The following MNAT1 variants were observed in gnomAD, a reference collection of about 807,000 sequenced individuals.
MNAT1 encodes CDK-activating kinase assembly factor MAT1.
Under a neutral mutation model 42.0 loss-of-function variants are expected in MNAT1, and 43 were observed. The ratio of observed to expected loss-of-function variants is 1.02; its 90% CI spans 0.80 to 1.32. MNAT1 has a LOEUF of 1.32. MNAT1 is among the 40% of genes most tolerant of loss of function. The probability of loss-of-function intolerance (pLI) is 0.00; values close to 1 mark genes in which losing one functional copy is unlikely to be tolerated. For missense variants in MNAT1, 306 were observed against 350.4 expected, an observed-to-expected ratio of 0.87 and a Z score of 1.01; for synonymous variants, 118 against 120.0, an observed-to-expected ratio of 0.98 and a Z score of 0.11.
intron 7 of MNAT1, among the ~76,000 whole-genome samples, chr14:60,913,330 C>G (rs1441749599): frequency 1.3e-5 from 2 of 152,162 alleles, no homozygotes; most frequent in Non-Finnish European, 2.9e-5. Flanking sequence ...CTCAACTCGT[C>G]AAAGTCATGC....
At chr14:60,843,421 C>T (rs1293504699) in intron 6 of MNAT1, among the ~76,000 whole-genome samples, 1 of 152,134 alleles carries the variant, frequency 6.6e-6, no homozygotes, top group Non-Finnish European at 1.5e-5. Flanking sequence ...CAGGCACCCA[C>T]CACCATGCCC....
At chr14:60,914,858 A>G (rs956612241) in intron 7 of MNAT1, among the ~76,000 whole-genome samples, 1 of 152,236 alleles carries the variant, frequency 6.6e-6, no homozygotes, top group African/African-American at 2.4e-5. Context: ...TTGGGAGAGC[A>G]GAGTGAACAT....
At chr14:60,772,609 A>AG (rs61327947) in intron 1 of MNAT1, among the ~76,000 whole-genome samples, 6 of 151,840 alleles carry the variant, frequency 4.0e-5, no homozygotes, top group Admixed American at 6.6e-5. Context: ...AAAAAAAAAA[A>AG]GCCAATTCTT....
intron 1 of MNAT1, among the ~76,000 whole-genome samples, chr14:60,736,570 A>C (rs185727600): frequency 2.6e-5 from 4 of 152,376 alleles, no homozygotes; most frequent in African/African-American, 7.2e-5. Context: ...CCTGTTAGAT[A>C]ACAGGCTACA....
In MNAT1 at chr14:60,834,353, G is replaced by A. The variant is rs543001131; in HGVS notation, c.687+15506G>A. 7.9e-5 allele frequency among the ~76,000 whole-genome samples: 12 copies of A among 152,164 alleles called. No individual in the cohort carries two copies. The South Asian group carries it at 2.1e-3, about 26-fold the overall frequency. On this transcript the variant is annotated intron_variant, in intron 6 of 7. Coordinates refer to ENST00000261245, the MANE Select transcript of MNAT1 (RefSeq NM_002431.4). The stretch of plus-strand genomic sequence containing the variant: ...AGCTGTGTCCCAGAGATTCTAGTAC[G>A]TTGTGTCTTTGTTCTCATTGGTTCA...
At chr14:60,842,977 A>G (rs927416905) in intron 6 of MNAT1, among the ~76,000 whole-genome samples, 3 of 152,306 alleles carry the variant, frequency 2.0e-5, no homozygotes, top group Admixed American at 2.0e-4. Flanking sequence ...GTCATCATGA[A>G]GTCAAAAACT....
rs372446666 is a variant in MNAT1, at chr14:60,808,309, T to G, written c.317-16T>G. 2 of 1,485,338 alleles carry G rather than the reference T, an allele frequency of 1.3e-6. No homozygotes were observed. The highest frequency in any genetic ancestry group is 1.8e-6 in the Non-Finnish European group (2 of 1,098,014). 92.0% of individuals were successfully genotyped at this position (1,485,338 alleles called of 1,614,324 possible). On this transcript the variant is annotated splice_polypyrimidine_tract_variant and intron_variant, in intron 3 of 7. Transcript: ENST00000261245. The stretch of plus-strand genomic sequence containing the variant: ...TTAAAAATATTTTTCATGTCATCGT[T>G]TCCTTTCTAATGCAGTTTTCAACTT...
At chr14:60,803,026 G>A (rs1244457019) in intron 3 of MNAT1, among the ~76,000 whole-genome samples, 1 of 149,358 alleles carries the variant, frequency 6.7e-6, no homozygotes, top group African/African-American at 2.5e-5. Flanking sequence ...TCCGCCTCCC[G>A]GGTTTAAGCA....
Position 60,807,422 on chromosome 14 carries a change from G to A in MNAT1, c.317-903G>A, listed in dbSNP as rs558138967. ...GTAGGGCAAGAAGCAGGAAGCAGTG[G>A]TAAGTAATTGGAGAAGGGGTGGAAG... is the stretch of plus-strand genomic sequence containing the variant. On this transcript the variant is annotated intron_variant, in intron 3 of 7. Coordinates refer to ENST00000261245, the MANE Select transcript of MNAT1 (RefSeq NM_002431.4). Among the ~76,000 whole-genome samples the A allele has an allele frequency of 1.2e-4, 18 of 152,258 alleles. 1 individual carries two copies. In the South Asian group the frequency reaches 3.7e-3, roughly 32 times the overall value.
intron 6 of MNAT1, 120 bp from the exon 7 acceptor site, chr14:60,879,594 C>A: frequency 1.1e-6 from 1 of 950,134 alleles, no homozygotes; most frequent in Non-Finnish European, 1.5e-6. Context: ...CATGGAACAG[C>A]ACAACTAATG....
chr14:60,817,888 TTG>T (rs2032763210), intron 5 of MNAT1, among the ~76,000 whole-genome samples: 1 of 151,622 alleles, frequency 6.6e-6, no homozygotes, highest in South Asian at 2.1e-4. Flanking sequence ...GCTTGTGTGT[TTG>T]TGTGTGTGTG....
chr14:60,793,862 T>C (rs1283007126), intron 1 of MNAT1, among the ~76,000 whole-genome samples: 1 of 152,100 alleles, frequency 6.6e-6, no homozygotes. Flanking sequence ...AAAGAAAAAA[T>C]ATTCTTTTCA....
chr14:60,943,829 A>C (rs1254973705), intron 7 of MNAT1, among the ~76,000 whole-genome samples: 1 of 152,194 alleles, frequency 6.6e-6, no homozygotes, highest in East Asian at 1.9e-4. Context: ...AAACAAGGTT[A>C]ACTCCATATG....
At chr14:60,912,879 C>G (rs193234550) in intron 7 of MNAT1, among the ~76,000 whole-genome samples, 1 of 152,286 alleles carries the variant, frequency 6.6e-6, no homozygotes, top group Admixed American at 6.5e-5. Context: ...GCCTGCCTTG[C>G]TAGATTGGGG....
At chr14:60,921,454 C>T (rs1052139956) in intron 7 of MNAT1, among the ~76,000 whole-genome samples, 7 of 152,004 alleles carry the variant, frequency 4.6e-5, no homozygotes, top group Middle Eastern at 3.4e-3. Flanking sequence ...AATCATAAGC[C>T]ATAAGTGGTC....
intron 7 of MNAT1, among the ~76,000 whole-genome samples, chr14:60,896,626 C>G (rs1227016425): frequency 1.3e-5 from 2 of 152,096 alleles, no homozygotes; most frequent in East Asian, 3.9e-4. Context: ...GCTGGAAAAA[C>G]AGGCGCACAC....
At chr14:60,877,990 G>GA (rs1395027496) in intron 6 of MNAT1, among the ~76,000 whole-genome samples, 2 of 151,974 alleles carry the variant, frequency 1.3e-5, no homozygotes, top group Admixed American at 6.6e-5. Context: ...AGACTTCAGA[G>GA]AATAGATATT....
intron 3 of MNAT1, among the ~76,000 whole-genome samples, chr14:60,806,168 A>T (rs1377818754): frequency 6.6e-6 from 1 of 152,244 alleles, no homozygotes; most frequent in Non-Finnish European, 1.5e-5. Flanking sequence ...AGATGTGCAC[A>T]TTGAAAATAA....
chr14:60,881,432 A>G (rs2034549510), intron 7 of MNAT1, among the ~76,000 whole-genome samples: 1 of 151,944 alleles, frequency 6.6e-6, no homozygotes, highest in Admixed American at 6.6e-5. Flanking sequence ...TGATCTGCCC[A>G]CCTTGGCCCC....
Sources: allele counts gnomAD v4.1 joint callset (sites outside exome capture counted in the v4.1 genomes callset), GRCh38; gene constraint gnomAD v4.1.1; transcripts MANE v1.5; gene names NCBI Gene and HGNC (gene_info 2026-07-23, HGNC 2026-07-21).